SERINC1: variants seen among roughly 807,000 people sequenced by gnomAD.
The protein encoded by SERINC1 is tumor differentially expressed protein 2.
In SERINC1, 38 loss-of-function variants were observed where a neutral mutation model predicts 52.9. The observed-to-expected ratio is 0.72, with a 90% CI of 0.55 to 0.94. The LOEUF (loss-of-function observed/expected upper bound fraction) is 0.94. SERINC1 is among the 40% of genes least tolerant of loss of function. The probability of loss-of-function intolerance (pLI) is 0.00; values close to 1 mark genes in which losing one functional copy is unlikely to be tolerated. For missense variants in SERINC1, 471 were observed against 533.9 expected, an observed-to-expected ratio of 0.88 and a Z score of 1.16; for synonymous variants, 198 against 183.1, an observed-to-expected ratio of 1.08 and a Z score of -0.66.
At chr6:122,464,328 C>T (rs1775151898) in intron 1 of SERINC1, among the ~76,000 whole-genome samples, 1 of 152,054 alleles carries the variant, frequency 6.6e-6, no homozygotes, top group Non-Finnish European at 1.5e-5. Flanking sequence ...AGGATATTCA[C>T]AGATCTAATA....
chr6:122,462,865 T>C (rs1433661626), intron 1 of SERINC1, among the ~76,000 whole-genome samples: 1 of 152,200 alleles, frequency 6.6e-6, no homozygotes, highest in Non-Finnish European at 1.5e-5. Context: ...ACAGAGTTCA[T>C]AGTTGGAAGA....
At chr6:122,458,403 G>T (rs1202893916) in intron 2 of SERINC1, 117 bp downstream of exon 2, 4 of 615,920 alleles carry the variant, frequency 6.5e-6, no homozygotes, top group African/African-American at 5.6e-5. Flanking sequence ...CTACAACTAG[G>T]ATTACATACT....
chr6:122,451,776 A>AAAAAATATACATATATATATATAT, intron 6 of SERINC1, 22 bp from the exon 7 acceptor site: 2 of 95,480 alleles, frequency 2.1e-5, no homozygotes, highest in African/African-American at 1.5e-4. Context: ...AAAAAAAAAA[A>AAAAAATATACATATATATATATAT]ATATATATAT....
Position 122,444,949 on chromosome 6 carries a change from T to C in SERINC1, c.*95A>G. 8.1e-7 allele frequency: 1 copy of C among 1,232,494 alleles called. No homozygotes were observed. 76.3% of individuals were successfully genotyped at this position (1,232,494 alleles called of 1,614,324 possible). A position where few individuals can be genotyped will look rare whatever the true frequency, so the allele number is the denominator to read the frequency against. On this transcript the variant is annotated 3_prime_UTR_variant, in exon 10 of 10. Coordinates refer to ENST00000339697, the MANE Select transcript of SERINC1 (RefSeq NM_020755.4). Reference sequence around the variant, plus strand: ...ATGCCAGAACACTGGAGAAGTTACATGGGAAGCAAAAACATACACAACTTT... The same window carrying C: ...ATGCCAGAACACTGGAGAAGTTACACGGGAAGCAAAAACATACACAACTTT...
rs1774758711 is a variant in SERINC1 at position 122,444,978 on chromosome 6, A to G, written c.*66T>C. On this transcript the variant is annotated 3_prime_UTR_variant, in exon 10 of 10. Coordinates refer to ENST00000339697, the MANE Select transcript of SERINC1 (RefSeq NM_020755.4). ...AAGCAAAAACATACACAACTTTACA[A>G]AAGTTGGGAATACTGTTTTCAAATA... 1.3e-6 allele frequency: 2 copies of G among 1,512,696 alleles called. No individual in the cohort carries two copies. The highest frequency in any genetic ancestry group is 2.8e-5 in the African/African-American group (2 of 71,996). The allele number at this position is 1,512,696 out of a possible 1,614,324, so 93.7% of individuals were successfully genotyped here. A position where few individuals can be genotyped will look rare whatever the true frequency, so the allele number is the denominator to read the frequency against.
At chr6:122,466,374 T>G (rs1374077550) in intron 1 of SERINC1, among the ~76,000 whole-genome samples, 1 of 152,066 alleles carries the variant, frequency 6.6e-6, no homozygotes, top group Non-Finnish European at 1.5e-5. Flanking sequence ...TAGAGTGCAG[T>G]GGCATGATTA....
intron 1 of SERINC1, among the ~76,000 whole-genome samples, chr6:122,461,857 G>A (rs1395696034): frequency 1.3e-5 from 2 of 151,828 alleles, no homozygotes; most frequent in Non-Finnish European, 2.9e-5. Flanking sequence ...ATATGAAAGA[G>A]ACATATTCTT....
chr6:122,461,582 G>A (rs1227979054), intron 1 of SERINC1, among the ~76,000 whole-genome samples: 6 of 150,956 alleles, frequency 4.0e-5, no homozygotes, highest in South Asian at 2.1e-4. Flanking sequence ...TGGGTGCAGC[G>A]CACCAGCATG....
chr6:122,464,384 G>A (rs894395602), intron 1 of SERINC1, among the ~76,000 whole-genome samples: 24 of 152,104 alleles, frequency 1.6e-4, no homozygotes, highest in African/African-American at 5.5e-4. Context: ...CATCAAAAGA[G>A]CACACTACTT....
intron 1 of SERINC1, among the ~76,000 whole-genome samples, chr6:122,461,827 T>C (rs576471720): frequency 2.0e-5 from 3 of 152,078 alleles, no homozygotes; most frequent in Non-Finnish European, 2.9e-5. Flanking sequence ...AGAGAGAAAT[T>C]TGGATTTGCA....
At chr6:122,461,313 A>T (rs978670441) in intron 1 of SERINC1, among the ~76,000 whole-genome samples, 1 of 152,160 alleles carries the variant, frequency 6.6e-6, no homozygotes, top group African/African-American at 2.4e-5. Context: ...GAAAAATAAA[A>T]TGTACATTAT....
At chr6:122,465,542 A>C (rs2114490268) in intron 1 of SERINC1, among the ~76,000 whole-genome samples, 1 of 152,342 alleles carries the variant, frequency 6.6e-6, no homozygotes, top group East Asian at 1.9e-4. Context: ...CCCAGGTTGG[A>C]GACTGGAAGT....
intron 3 of SERINC1, among the ~76,000 whole-genome samples, chr6:122,455,180 T>A (rs563597250): frequency 6.6e-6 from 1 of 152,150 alleles, no homozygotes; most frequent in Non-Finnish European, 1.5e-5. Flanking sequence ...TGAGTGTCAA[T>A]TGAATTCAAG....
Position 122,451,774 on chromosome 6 carries a change from A to AAATATAT in SERINC1, c.760-21_760-20insATATATT. The AAATATAT allele has an allele frequency of 9.5e-6, 2 of 210,998 alleles. No homozygotes were observed. The highest frequency in any genetic ancestry group is 1.4e-5 in the Non-Finnish European group (2 of 147,526). The allele number at this position is 210,998 out of a possible 1,614,324, so 13.1% of individuals were successfully genotyped here. On this transcript the variant is annotated intron_variant, in intron 6 of 9. Coordinates refer to ENST00000339697, the MANE Select transcript of SERINC1 (RefSeq NM_020755.4). ...TGATTCCTACAAAAAAAAAAAAAAA[A>AAATATAT]AAATATATATATATATATATAGCAA...
intron 1 of SERINC1, among the ~76,000 whole-genome samples, chr6:122,469,945 G>C (rs539147308): frequency 6.6e-6 from 1 of 152,304 alleles, no homozygotes; most frequent in South Asian, 2.1e-4. Context: ...GAATGTGGAA[G>C]AGATGGTCCC....
In SERINC1 at chr6:122,454,057, A is replaced by G. The variant is rs965144638; in HGVS notation, c.451+94T>C. 4.3e-6 allele frequency: 5 copies of G among 1,166,330 alleles called. No homozygotes were observed. In the African/African-American group the frequency reaches 7.9e-5, roughly 18 times the overall value. 72.2% of individuals were successfully genotyped at this position (1,166,330 alleles called of 1,614,324 possible). Reference sequence around the variant, plus strand: ...GGAAACACACACACACACACCCCCAAACAAAAAGACAAACAATTATAGTTC... The same window carrying G: ...GGAAACACACACACACACACCCCCAGACAAAAAGACAAACAATTATAGTTC... On this transcript the variant is annotated intron_variant, in intron 4 of 9. Coordinates refer to ENST00000339697, the MANE Select transcript of SERINC1 (RefSeq NM_020755.4).
intron 1 of SERINC1, among the ~76,000 whole-genome samples, chr6:122,462,118 G>GA (rs907079274): frequency 1.3e-5 from 2 of 151,376 alleles, no homozygotes; most frequent in South Asian, 2.1e-4. Flanking sequence ...ACAGACTAAA[G>GA]AAAAAAAACA....
rs1562211201 is a variant in SERINC1 at position 122,444,333 on chromosome 6, G to A, written c.*711C>T. 2 of 152,236 alleles carry A rather than the reference G, an allele frequency of 1.3e-5. No individual in the cohort carries two copies. The highest frequency in any genetic ancestry group is 2.9e-5 in the Non-Finnish European group (2 of 68,088). 9.4% of individuals were successfully genotyped at this position (152,236 alleles called of 1,614,324 possible). On this transcript the variant is annotated 3_prime_UTR_variant, in exon 10 of 10. Transcript: ENST00000339697. ...TTTCAAACACTTCCTTCTAACCCAT[G>A]ATTATCCTTTTCAAAACCTTGTCTA...
chr6:122,464,042 A>G (rs1006543911), intron 1 of SERINC1, among the ~76,000 whole-genome samples: 1 of 152,202 alleles, frequency 6.6e-6, no homozygotes, highest in East Asian at 1.9e-4. Flanking sequence ...TGTGCTAAGT[A>G]AAAGAAGCCA....
Sources: gnomAD v4.1 joint callset for allele counts (sites outside exome capture counted in the v4.1 genomes callset) on GRCh38, gnomAD v4.1.1 for gene constraint, MANE v1.5 for transcripts, NCBI Gene and HGNC (gene_info 2026-07-23, HGNC 2026-07-21) for gene names.